Variants in SAMD4A observed in about 807,000 individuals in gnomAD.
SAMD4A encodes protein Smaug homolog 1.
A neutral mutation model predicts 81.3 loss-of-function variants in SAMD4A; 33 were observed. That is an observed-to-expected ratio of 0.41 (90% CI 0.31 to 0.54). SAMD4A has a LOEUF of 0.54. Ranked by LOEUF, SAMD4A falls within the 20% of genes least tolerant of loss-of-function variation. The pLI, the probability that SAMD4A is intolerant of heterozygous loss-of-function variation, is 0.37. For missense variants in SAMD4A, 854 were observed against 951.1 expected (o/e 0.90, Z 1.34); for synonymous variants, 389 against 382.1 (o/e 1.02, Z -0.21).
At chr14:54,572,449 A>G (rs1474102821) in intron 2 of SAMD4A, among the ~76,000 whole-genome samples, 3 of 152,258 alleles carry the variant, frequency 2.0e-5, no homozygotes, top group Non-Finnish European at 4.4e-5. Context: ...GCCTACATGC[A>G]TGATCCTCTG....
At position 54,579,835 on chromosome 14, in the gene SAMD4A, G is replaced by A. The variant is rs569613703; in HGVS notation, c.196+11723G>A. 2.8e-4 allele frequency among the ~76,000 whole-genome samples: 43 copies of A among 152,302 alleles called. 1 individual carries two copies. In the South Asian group the frequency reaches 8.7e-3, roughly 31 times the overall value. ...AATGTGTTACATAATTGCTCATGAC[G>A]TCCTTGACTTTGACAAACTAGGAAG... On this transcript the variant is annotated intron_variant, in intron 2 of 12. Coordinates refer to ENST00000554335, the MANE Select transcript of SAMD4A (RefSeq NM_015589.6).
intron 2 of SAMD4A, among the ~76,000 whole-genome samples, chr14:54,669,942 C>T (rs533229923): frequency 3.1e-4 from 47 of 152,228 alleles, no homozygotes; most frequent in African/African-American, 9.4e-4. Context: ...TCTGCCCCCC[C>T]AGCCCCCTGG....
chr14:54,744,227 G>A (rs1490007140), intron 4 of SAMD4A, among the ~76,000 whole-genome samples: 1 of 152,180 alleles, frequency 6.6e-6, no homozygotes, highest in African/African-American at 2.4e-5. Flanking sequence ...GGGCTCTTCA[G>A]CAATATCGAT....
Position 54,737,033 on chromosome 14 carries a change from G to A in SAMD4A, c.725G>A (p.Gly242Asp). The A allele has an allele frequency of 6.2e-7, 1 of 1,613,612 alleles. No individual in the cohort carries two copies. Among genetic ancestry groups the A allele is most frequent in the Non-Finnish European group, 8.5e-7 (1 of 1,179,960 alleles). ...TTATTTTTTTTTCCAGTTCTCTCAG[G>A]CCAGGCACACCACAGCCCTTTGAAA... ...IGTSTSTILS[G>D]QAHHSPLKRS... The change falls in exon 4 of 13, where the codon GGC becomes GAC. Residue 242 changes from glycine (G) to aspartate (D), a missense_variant. Coordinates refer to ENST00000554335, the MANE Select transcript of SAMD4A (RefSeq NM_015589.6).
chr14:54,607,611 ATG>A (rs2034246082), intron 2 of SAMD4A, among the ~76,000 whole-genome samples: 2 of 151,468 alleles, frequency 1.3e-5, no homozygotes, highest in African/African-American at 4.9e-5. Context: ...GCCCGCCACC[ATG>A]CCCGGCTAAT....
intron 2 of SAMD4A, among the ~76,000 whole-genome samples, chr14:54,617,491 T>TG (rs1359663236): frequency 6.6e-6 from 1 of 150,954 alleles, no homozygotes; most frequent in African/African-American, 2.4e-5. Context: ...CAGAGAAAAG[T>TG]GGGGGAGCAA....
intron 2 of SAMD4A, among the ~76,000 whole-genome samples, chr14:54,626,103 A>G (rs1350092539): frequency 6.6e-6 from 1 of 150,870 alleles, no homozygotes; most frequent in Non-Finnish European, 1.5e-5. Flanking sequence ...TGCATGAGGG[A>G]CAGAAAGAGA....
chr14:54,587,180 T>C (rs777830643), intron 2 of SAMD4A, among the ~76,000 whole-genome samples: 1 of 152,176 alleles, frequency 6.6e-6, no homozygotes, highest in Non-Finnish European at 1.5e-5. Context: ...TTTTATTTTG[T>C]TTGCAGCTAT....
At chr14:54,676,045 G>A (rs2140537511) in intron 2 of SAMD4A, among the ~76,000 whole-genome samples, 1 of 152,242 alleles carries the variant, frequency 6.6e-6, no homozygotes, top group Non-Finnish European at 1.5e-5. Context: ...CTAAACATTA[G>A]AGGCCAAATC....
intron 2 of SAMD4A, among the ~76,000 whole-genome samples, chr14:54,590,991 T>A (rs2140181885): frequency 6.6e-6 from 1 of 152,344 alleles, no homozygotes; most frequent in South Asian, 2.1e-4. Flanking sequence ...ACTTTTCCCC[T>A]CAATTGCTGA....
intron 2 of SAMD4A, chr14:54,688,333 T>C: frequency 1.0e-6 from 1 of 985,526 alleles, no homozygotes; most frequent in Non-Finnish European, 1.2e-6. Flanking sequence ...CAGGCTTCTC[T>C]GGGCTTCTGC....
At chr14:54,670,116 C>A (rs964406847) in intron 2 of SAMD4A, among the ~76,000 whole-genome samples, 1 of 152,150 alleles carries the variant, frequency 6.6e-6, no homozygotes, top group African/African-American at 2.4e-5. Context: ...CCGAACAGAA[C>A]ATTTAGTTCT....
At chr14:54,753,930 C>G (rs1458327589) in intron 6 of SAMD4A, among the ~76,000 whole-genome samples, 1 of 152,158 alleles carries the variant, frequency 6.6e-6, no homozygotes, top group Non-Finnish European at 1.5e-5. Context: ...TTTGGGGGAA[C>G]ATTCAAAAGG....
At chr14:54,610,609 T>C (rs1162279965) in intron 2 of SAMD4A, among the ~76,000 whole-genome samples, 1 of 152,208 alleles carries the variant, frequency 6.6e-6, no homozygotes, top group Non-Finnish European at 1.5e-5. Context: ...AAGCTTTTAA[T>C]TTTTTATGAG....
At chr14:54,777,562 G>A (rs1054908720) in intron 11 of SAMD4A, among the ~76,000 whole-genome samples, 1 of 152,172 alleles carries the variant, frequency 6.6e-6, no homozygotes, top group Non-Finnish European at 1.5e-5. Context: ...GATGGTGGGG[G>A]ACTTTGAATC....
At position 54,779,643 on chromosome 14, in the gene SAMD4A, G is replaced by A. The variant is rs547289200; in HGVS notation, c.2044+3103G>A. Among the ~76,000 whole-genome samples the A allele has an allele frequency of 2.0e-5, 3 of 151,838 alleles. No individual in the cohort carries two copies. In the East Asian group the frequency reaches 5.8e-4, roughly 29 times the overall value. On this transcript the variant is annotated intron_variant, in intron 11 of 12. Coordinates refer to ENST00000554335, the MANE Select transcript of SAMD4A (RefSeq NM_015589.6). ...TTCACGGGCACTTGGAGGCCCCTCA[G>A]GAGTGGTGTTTCATGTTATTCCCAC...
At chr14:54,610,928 C>A (rs527271131) in intron 2 of SAMD4A, among the ~76,000 whole-genome samples, 3 of 152,108 alleles carry the variant, frequency 2.0e-5, no homozygotes, top group South Asian at 4.1e-4. Flanking sequence ...CTGTTAGGAC[C>A]CATGATAGGC....
intron 11 of SAMD4A, chr14:54,784,219 G>A (rs762031259): frequency 2.8e-6 from 2 of 721,814 alleles, no homozygotes; most frequent in African/African-American, 1.7e-5. Context: ...ATCATGCGGG[G>A]CCTTATGGGC....
intron 4 of SAMD4A, among the ~76,000 whole-genome samples, chr14:54,742,896 G>A (rs943501411): frequency 8.5e-5 from 13 of 152,214 alleles, no homozygotes; most frequent in African/African-American, 3.1e-4. Flanking sequence ...CTTTTCTAAG[G>A]AGACTTTCGT....
Sources: allele counts gnomAD v4.1 joint callset (sites outside exome capture counted in the v4.1 genomes callset), GRCh38; gene constraint gnomAD v4.1.1; transcripts MANE v1.5; gene names NCBI Gene and HGNC (gene_info 2026-07-23, HGNC 2026-07-21).